The following NBEA variants were observed in gnomAD, a reference collection of about 807,000 sequenced individuals.
NBEA encodes the protein neurobeachin.
In NBEA, 44 loss-of-function variants were observed where a neutral mutation model predicts 343.4. That is an observed-to-expected ratio of 0.13 (90% CI 0.10 to 0.16). The LOEUF is 0.16. Ranked by LOEUF, NBEA falls within the 10% of genes least tolerant of loss-of-function variation. NBEA has a pLI of 1.00. For synonymous variants in NBEA, 1,175 were observed against 1,238.7 expected, an observed-to-expected ratio of 0.95 and a Z score of 1.08; for missense variants, 2,555 against 3,631.3, an observed-to-expected ratio of 0.70 and a Z score of 7.62.
intron 35 of NBEA, among the ~76,000 whole-genome samples, chr13:35,306,444 T>C (rs1167704379): frequency 6.6e-6 from 1 of 152,104 alleles, no homozygotes; most frequent in Non-Finnish European, 1.5e-5. Context: ...TGTACCTCAT[T>C]ATCTCTTTGT....
At chr13:35,140,562 A>G (rs374394959) in intron 17 of NBEA, among the ~76,000 whole-genome samples, 1 of 152,042 alleles carries the variant, frequency 6.6e-6, no homozygotes, top group African/African-American at 2.4e-5. Flanking sequence ...GTGTTTTGCA[A>G]ACACAGCTGC....
chr13:35,534,999 C>G (rs1418336502), intron 41 of NBEA, among the ~76,000 whole-genome samples: 1 of 152,166 alleles, frequency 6.6e-6, no homozygotes, highest in African/African-American at 2.4e-5. Context: ...AAAAAATAAT[C>G]CTGGGGCATT....
intron 41 of NBEA, among the ~76,000 whole-genome samples, chr13:35,536,148 C>T (rs1306399476): frequency 6.6e-6 from 1 of 152,088 alleles, no homozygotes; most frequent in African/African-American, 2.4e-5. Flanking sequence ...AACTCGGAAC[C>T]CATATTTTAT....
chr13:35,404,589 T>C (rs948133394), intron 38 of NBEA, among the ~76,000 whole-genome samples: 29 of 120,500 alleles, frequency 2.4e-4, no homozygotes, highest in African/African-American at 8.1e-4. Flanking sequence ...AACATCACAC[T>C]CTGGGGACTG....
intron 21 of NBEA, among the ~76,000 whole-genome samples, chr13:35,158,478 C>A (rs1263629151): frequency 2.0e-5 from 3 of 151,828 alleles, no homozygotes; most frequent in African/African-American, 7.3e-5. Flanking sequence ...AATAAAGAAG[C>A]CTAAGTAAAG....
At chr13:35,115,908 A>G (rs2066470292) in intron 13 of NBEA, among the ~76,000 whole-genome samples, 1 of 152,224 alleles carries the variant, frequency 6.6e-6, no homozygotes, top group African/African-American at 2.4e-5. Flanking sequence ...AACCTAAGGC[A>G]CAGAGATGTT....
intron 41 of NBEA, among the ~76,000 whole-genome samples, chr13:35,524,476 C>A (rs1409428792): frequency 6.6e-6 from 1 of 152,196 alleles, no homozygotes; most frequent in African/African-American, 2.4e-5. Flanking sequence ...CTGAGCCATT[C>A]TCAGCAAAAT....
At chr13:34,977,652 A>G (rs1049385902) in intron 1 of NBEA, among the ~76,000 whole-genome samples, 2 of 152,144 alleles carry the variant, frequency 1.3e-5, no homozygotes, top group Non-Finnish European at 2.9e-5. Flanking sequence ...GCTAACATTA[A>G]TCTGTATTGA....
chr13:35,240,005 T>G (rs914608434), intron 34 of NBEA, among the ~76,000 whole-genome samples: 3 of 151,434 alleles, frequency 2.0e-5, no homozygotes, highest in African/African-American at 7.2e-5. Flanking sequence ...CATCCATAAA[T>G]CTATTAGGTT....
At chr13:34,946,465 G>A (rs2059186770) in intron 1 of NBEA, among the ~76,000 whole-genome samples, 1 of 151,972 alleles carries the variant, frequency 6.6e-6, no homozygotes, top group Admixed American at 6.6e-5. Context: ...GTTTATAATA[G>A]AGGATTAATA....
intron 53 of NBEA, among the ~76,000 whole-genome samples, chr13:35,653,581 T>A (rs1171755842): frequency 6.6e-6 from 1 of 152,198 alleles, no homozygotes; most frequent in African/African-American, 2.4e-5. Context: ...TCTGCCTGCC[T>A]GGCCCTCCCA....
Position 34,942,420 on chromosome 13 carries a change from TGG to T in NBEA, c.-400_-399del, listed in dbSNP as rs1178021053. ...TGAGCTTCAGCACCGGCCAGCGTCG[TGG>T]CCAGCTGCTCGCGTCCTCGGGCTTC... On this transcript the variant is annotated 5_prime_UTR_variant, in exon 1 of 59. Transcript: ENST00000379939. 6.3e-6 allele frequency: 1 copy of T among 157,654 alleles called. No homozygotes were observed. Among genetic ancestry groups the T allele is most frequent in the Non-Finnish European group, 1.4e-5 (1 of 71,574 alleles). The allele number at this position is 157,654 out of a possible 1,614,324, so 9.8% of individuals were successfully genotyped here.
chr13:35,582,120 A>G (rs992332410), intron 45 of NBEA, among the ~76,000 whole-genome samples: 2 of 151,902 alleles, frequency 1.3e-5, no homozygotes, highest in Non-Finnish European at 2.9e-5. Flanking sequence ...CCCCATCTCT[A>G]CTAAAAATAC....
chr13:35,218,554 T>C (rs1232454485), intron 33 of NBEA, among the ~76,000 whole-genome samples: 3 of 152,060 alleles, frequency 2.0e-5, no homozygotes, highest in African/African-American at 7.2e-5. Flanking sequence ...TAGTCATGGT[T>C]ATAGCAGGCA....
chr13:35,479,700 T>C (rs749032507), intron 41 of NBEA, among the ~76,000 whole-genome samples: 4 of 152,184 alleles, frequency 2.6e-5, no homozygotes, highest in Non-Finnish European at 2.9e-5. Flanking sequence ...TATACATTTA[T>C]GTATTAATGT....
intron 38 of NBEA, among the ~76,000 whole-genome samples, chr13:35,380,066 A>G (rs116842557): frequency 5.2e-4 from 79 of 152,268 alleles, no homozygotes; most frequent in Admixed American, 9.8e-4. Context: ...GGGAAGTGAC[A>G]CCTTTGCACT....
At chr13:35,594,992 A>ACACACACACACACACAC (rs35174924) in intron 47 of NBEA, among the ~76,000 whole-genome samples, 1 of 130,600 alleles carries the variant, frequency 7.7e-6, no homozygotes, top group Non-Finnish European at 1.6e-5. Flanking sequence ...CACACACACA[A>ACACACACACACACACAC]ATTGGCTTTT....
chr13:35,135,296 A>G (rs1353766922), intron 17 of NBEA, among the ~76,000 whole-genome samples: 1 of 152,102 alleles, frequency 6.6e-6, no homozygotes, highest in East Asian at 1.9e-4. Flanking sequence ...CTGAAATAAT[A>G]TTACAACTGT....
intron 17 of NBEA, among the ~76,000 whole-genome samples, chr13:35,139,979 C>A (rs541774212): frequency 6.6e-6 from 1 of 152,016 alleles, no homozygotes; most frequent in South Asian, 2.1e-4. Flanking sequence ...GTAGTAGTGG[C>A]ACAGTTAAGA....
Sources: gnomAD v4.1 joint callset for allele counts (sites outside exome capture counted in the v4.1 genomes callset) on GRCh38, gnomAD v4.1.1 for gene constraint, MANE v1.5 for transcripts, NCBI Gene and HGNC (gene_info 2026-07-23, HGNC 2026-07-21) for gene names.